PKIB: variants seen among roughly 807,000 people sequenced by gnomAD.
PKIB encodes PKI-beta.
PKIB carries 2 observed loss-of-function variants against 4.5 expected under a neutral mutation model. That is an observed-to-expected ratio of 0.44 (90% CI 0.18 to 1.39). The LOEUF is 1.39. Ranked by LOEUF, PKIB falls within the 40% of genes most tolerant of loss-of-function variation. The pLI, the probability that PKIB is intolerant of heterozygous loss-of-function variation, is 0.27. For synonymous variants in PKIB, 38 were observed against 36.0 expected (o/e 1.06, Z -0.20); for missense variants, 94 against 92.6 (o/e 1.02, Z -0.06).
chr6:122,683,023 G>A (rs1777960483), intron 3 of PKIB, among the ~76,000 whole-genome samples: 1 of 152,234 alleles, frequency 6.6e-6, no homozygotes. Context: ...TGTTTCAGGT[G>A]TCTGCTCATC....
At chr6:122,647,358 C>G (rs930873641) in intron 2 of PKIB, among the ~76,000 whole-genome samples, 1 of 152,112 alleles carries the variant, frequency 6.6e-6, no homozygotes, top group Non-Finnish European at 1.5e-5. Flanking sequence ...GGTGAGTGTC[C>G]GATTGATTAA....
chr6:122,690,829 T>G (rs1293965864), intron 3 of PKIB, among the ~76,000 whole-genome samples: 1 of 151,932 alleles, frequency 6.6e-6, no homozygotes, highest in Admixed American at 6.6e-5. Context: ...CCCTTTAGTA[T>G]TTCTTGTAAG....
intron 2 of PKIB, among the ~76,000 whole-genome samples, chr6:122,671,308 C>T (rs1777455534): frequency 6.6e-6 from 1 of 151,242 alleles, no homozygotes; most frequent in Admixed American, 6.6e-5. Flanking sequence ...AAAAAAAATA[C>T]TTATTGAAGT....
intron 2 of PKIB, among the ~76,000 whole-genome samples, chr6:122,638,773 G>A (rs1312642450): frequency 1.3e-5 from 2 of 152,136 alleles, no homozygotes; most frequent in Non-Finnish European, 2.9e-5. Flanking sequence ...TCTTGGTCCT[G>A]GGGTTTGGTT....
intron 2 of PKIB, among the ~76,000 whole-genome samples, chr6:122,579,762 C>A (rs957707577): frequency 6.6e-6 from 1 of 152,132 alleles, no homozygotes; most frequent in Non-Finnish European, 1.5e-5. Flanking sequence ...GCAAATAAAG[C>A]AGCAACCTCT....
At chr6:122,591,103 A>T (rs1774005693) in intron 3 of PKIB, among the ~76,000 whole-genome samples, 1 of 151,778 alleles carries the variant, frequency 6.6e-6, no homozygotes, top group South Asian at 2.1e-4. Flanking sequence ...TATTAAAGTT[A>T]TCTCTAAATT....
At chr6:122,565,297 C>G (rs991689185) in intron 2 of PKIB, among the ~76,000 whole-genome samples, 1 of 152,074 alleles carries the variant, frequency 6.6e-6, no homozygotes, top group East Asian at 1.9e-4. Flanking sequence ...CATAGCTTCC[C>G]CTAGATTCTA....
chr6:122,532,290 TC>T (rs1310423963), intron 2 of PKIB, among the ~76,000 whole-genome samples: 2 of 152,208 alleles, frequency 1.3e-5, no homozygotes, highest in Admixed American at 6.5e-5. Flanking sequence ...AAATTAGTTC[TC>T]TATCACTCTT....
intron 2 of PKIB, among the ~76,000 whole-genome samples, chr6:122,542,900 A>C (rs1285085848): frequency 1.3e-5 from 2 of 151,962 alleles, no homozygotes; most frequent in African/African-American, 4.8e-5. Context: ...TGTTTACCTA[A>C]TCAAGCCTGG....
At chr6:122,562,136 TG>T (rs1773055398) in intron 2 of PKIB, among the ~76,000 whole-genome samples, 1 of 150,840 alleles carries the variant, frequency 6.6e-6, no homozygotes, top group African/African-American at 2.4e-5. Context: ...TAGCAGTTCT[TG>T]TCGTGGTGGC....
chr6:122,638,019 T>C (rs1057484440), intron 2 of PKIB, among the ~76,000 whole-genome samples: 1 of 152,132 alleles, frequency 6.6e-6, no homozygotes, highest in Non-Finnish European at 1.5e-5. Context: ...AAGTTATCAC[T>C]AATAAAAATG....
chr6:122,636,020 T>C (rs531218410), intron 2 of PKIB, among the ~76,000 whole-genome samples: 2 of 152,274 alleles, frequency 1.3e-5, no homozygotes, highest in Non-Finnish European at 2.9e-5. Context: ...TTATATATGC[T>C]AGGAACTATT....
chr6:122,527,439 T>C (rs1777126611), intron 2 of PKIB, among the ~76,000 whole-genome samples: 1 of 152,136 alleles, frequency 6.6e-6, no homozygotes, highest in South Asian at 2.1e-4. Flanking sequence ...TCAAAGCAGA[T>C]ATGTGCAAAT....
intron 3 of PKIB, among the ~76,000 whole-genome samples, chr6:122,594,280 T>C (rs1320229417): frequency 6.6e-6 from 1 of 151,858 alleles, no homozygotes; most frequent in Non-Finnish European, 1.5e-5. Flanking sequence ...CGATCTCTGC[T>C]CACTGCAACC....
intron 1 of PKIB, among the ~76,000 whole-genome samples, chr6:122,625,299 A>C (rs1341724869): frequency 6.6e-6 from 1 of 152,174 alleles, no homozygotes; most frequent in African/African-American, 2.4e-5. Flanking sequence ...TACTTGAATA[A>C]AAAATTTCAG....
chr6:122,707,189 T>C (rs1779097148), intron 3 of PKIB, among the ~76,000 whole-genome samples: 1 of 152,054 alleles, frequency 6.6e-6, no homozygotes, highest in Admixed American at 6.6e-5. Context: ...TGTTTGCCCT[T>C]TGGTTGGGAT....
At chr6:122,562,432 C>T (rs1412160696) in intron 2 of PKIB, among the ~76,000 whole-genome samples, 1 of 152,070 alleles carries the variant, frequency 6.6e-6, no homozygotes, top group Admixed American at 6.6e-5. Flanking sequence ...GACAAAGTGC[C>T]TATGCAAAGA....
chr6:122,627,155 A>G (rs982227430), intron 1 of PKIB, among the ~76,000 whole-genome samples: 36 of 150,832 alleles, frequency 2.4e-4, no homozygotes, highest in Non-Finnish European at 4.4e-4. Flanking sequence ...AGGCAGGAAA[A>G]CGGCGTAAAC....
chr6:122,545,307 C>T (rs190468045), intron 2 of PKIB, among the ~76,000 whole-genome samples: 1 of 151,950 alleles, frequency 6.6e-6, no homozygotes, highest in East Asian at 1.9e-4. Context: ...ACCATGTAGC[C>T]ATAAAGAAGA....
Sources: gnomAD v4.1 joint callset for allele counts (sites outside exome capture counted in the v4.1 genomes callset) on GRCh38, gnomAD v4.1.1 for gene constraint, MANE v1.5 for transcripts, NCBI Gene and HGNC (gene_info 2026-07-23, HGNC 2026-07-21) for gene names.